The following ZBTB44 variants were observed in gnomAD, a reference collection of about 807,000 sequenced individuals.
ZBTB44 encodes zinc finger and BTB domain-containing protein 44.
A neutral mutation model predicts 54.0 loss-of-function variants in ZBTB44; 15 were observed. The observed-to-expected ratio is 0.28, with a 90% CI of 0.19 to 0.43. The LOEUF (loss-of-function observed/expected upper bound fraction) is 0.43. Ranked by LOEUF, ZBTB44 falls within the 20% of genes least tolerant of loss-of-function variation. The pLI, the probability that ZBTB44 is intolerant of heterozygous loss-of-function variation, is 1.00. For missense variants in ZBTB44, 487 were observed against 707.1 expected, an observed-to-expected ratio of 0.69 and a Z score of 3.53; for synonymous variants, 230 against 250.1, an observed-to-expected ratio of 0.92 and a Z score of 0.76.
intron 1 of ZBTB44, among the ~76,000 whole-genome samples, chr11:130,313,347 G>GT (rs1565346025): frequency 6.6e-6 from 1 of 152,060 alleles, no homozygotes; most frequent in African/African-American, 2.4e-5. Flanking sequence ...GAATAATCTG[G>GT]TTTTCATAAT....
At chr11:130,257,715 G>A (rs1565656798) in intron 2 of ZBTB44, among the ~76,000 whole-genome samples, 1 of 152,154 alleles carries the variant, frequency 6.6e-6, no homozygotes, top group Non-Finnish European at 1.5e-5. Context: ...CACACAGAGG[G>A]TAAAAGCACA....
chr11:130,274,843 TTTA>T (rs1256543265), intron 1 of ZBTB44, among the ~76,000 whole-genome samples: 1 of 152,230 alleles, frequency 6.6e-6, no homozygotes, highest in African/African-American at 2.4e-5. Context: ...TTTGTCTGGC[TTTA>T]TTGTCAGGGT....
At chr11:130,253,264 G>C (rs1938166003) in intron 2 of ZBTB44, among the ~76,000 whole-genome samples, 2 of 152,206 alleles carry the variant, frequency 1.3e-5, no homozygotes, top group African/African-American at 2.4e-5. Context: ...ATTACGAAAA[G>C]AGGAAGTCAA....
chr11:130,292,604 C>T lies in ZBTB44; in HGVS notation c.-57+21771G>A, dbSNP rs11827221. 8.8e-3 allele frequency among the ~76,000 whole-genome samples: 1,332 copies of T among 152,116 alleles called. 9 individuals are homozygous for T. The highest frequency in any genetic ancestry group is 0.022 in the African/African-American group (893 of 41,502). ...TTACGGTGCTTATTTTTGGGATAAG[C>T]GTATTATTCTTTTATGTTCAATCAC... On this transcript the variant is annotated intron_variant, in intron 1 of 7. Coordinates refer to ENST00000357899, the MANE Select transcript of ZBTB44 (RefSeq NM_001301098.2).
In ZBTB44 at chr11:130,226,761, T is replaced by A. The variant is rs1218723456; in HGVS notation, c.*5003A>T. On this transcript the variant is annotated 3_prime_UTR_variant, in exon 8 of 8. Coordinates refer to ENST00000357899, the MANE Select transcript of ZBTB44 (RefSeq NM_001301098.2). ...GTCTCATGTTTCTATCTAAAGACAC[T>A]CAAAACTAGTTTTTCCCTGCCCATC... 5.9e-5 allele frequency: 9 copies of A among 152,148 alleles called. No individual in the cohort carries two copies. Among genetic ancestry groups the A allele is most frequent in the Non-Finnish European group, 1.3e-4 (9 of 68,030 alleles). The allele number at this position is 152,148 out of a possible 1,614,324, so 9.4% of individuals were successfully genotyped here.
chr11:130,275,659 C>CA (rs1940008052), intron 1 of ZBTB44, among the ~76,000 whole-genome samples: 1 of 152,080 alleles, frequency 6.6e-6, no homozygotes, highest in African/African-American at 2.4e-5. Flanking sequence ...GACAGAGTCT[C>CA]ACTCTGTTGC....
intron 1 of ZBTB44, among the ~76,000 whole-genome samples, chr11:130,268,501 T>A (rs1189584766): frequency 1.3e-5 from 2 of 152,120 alleles, no homozygotes; most frequent in Non-Finnish European, 2.9e-5. Context: ...GCAGCTGTAA[T>A]CCCAGCTACT....
In ZBTB44 at chr11:130,314,788, AAGGGGACTGAGGGGAGGGGAGGGGG is replaced by A. The variant is rs1284642855; in HGVS notation, c.-495_-471del. The A allele has an allele frequency of 1.1e-5, 1 of 91,832 alleles. No homozygotes were observed. Among genetic ancestry groups the A allele is most frequent in the Non-Finnish European group, 2.2e-5 (1 of 45,290 alleles). 5.7% of individuals were successfully genotyped at this position (91,832 alleles called of 1,614,324 possible). On this transcript the variant is annotated 5_prime_UTR_variant, in exon 1 of 8. Transcript: ENST00000357899. ...CCAGCGGGGCGGGGTGGGGAAGGGG[AAGGGGACTGAGGGGAGGGGAGGGGG>A]AGGTTGGGAGGGAGCCGCCGCCGCG...
In ZBTB44 at chr11:130,228,819, TTATCAG is replaced by T. The variant is rs1485878662; in HGVS notation, c.*2939_*2944del. ...CTCCTCCCACCACTAGGCACCAATT[TTATCAG>T]TATATCGCCACAACCGTGCCTGGGA... On this transcript the variant is annotated 3_prime_UTR_variant, in exon 8 of 8. Coordinates refer to ENST00000357899, the MANE Select transcript of ZBTB44 (RefSeq NM_001301098.2). 4.6e-5 allele frequency: 7 copies of T among 152,334 alleles called. No homozygotes were observed. Among genetic ancestry groups the T allele is most frequent in the African/African-American group, 1.7e-4 (7 of 41,572 alleles). The allele number at this position is 152,334 out of a possible 1,614,324, so 9.4% of individuals were successfully genotyped here. A position where few individuals can be genotyped will look rare whatever the true frequency, so the allele number is the denominator to read the frequency against.
chr11:130,260,794 A>G (rs1938806632), intron 2 of ZBTB44, 62 bp downstream of exon 2: 1 of 1,506,250 alleles, frequency 6.6e-7, no homozygotes, highest in Non-Finnish European at 8.8e-7. Flanking sequence ...TTTATCTAAC[A>G]GGAACTTAAA....
In ZBTB44 at chr11:130,276,242, A is replaced by AAAAAAAAAAAAAAAAAAAAG. The variant is rs59112840; in HGVS notation, c.-56-14314_-56-14313insCTTTTTTTTTTTTTTTTTTT. 1.2e-3 allele frequency among the ~76,000 whole-genome samples: 116 copies of AAAAAAAAAAAAAAAAAAAAG among 94,420 alleles called. 3 individuals carry two copies. Among genetic ancestry groups the AAAAAAAAAAAAAAAAAAAAG allele is most frequent in the Non-Finnish European group, 1.7e-3 (84 of 48,702 alleles). The allele number at this position is 94,420 out of a possible 152,430, so 61.9% of individuals were successfully genotyped here. A position where few individuals can be genotyped will look rare whatever the true frequency, so the allele number is the denominator to read the frequency against. On this transcript the variant is annotated intron_variant, in intron 1 of 7. Coordinates refer to ENST00000357899, the MANE Select transcript of ZBTB44 (RefSeq NM_001301098.2). ...CGTGAAACTCTGTCTCAAAAAAAAA[A>AAAAAAAAAAAAAAAAAAAAG]AAAAGAAAAAAGAAATCAGAGGTTT... is the stretch of plus-strand genomic sequence containing the variant.
chr11:130,271,006 T>C (rs77016205), intron 1 of ZBTB44, among the ~76,000 whole-genome samples: 1,969 of 152,294 alleles, frequency 0.013, 48 homozygotes, highest in African/African-American at 0.045. Context: ...AAAGGCACGT[T>C]GTTAGAAGCT....
At chr11:130,248,449 T>C (rs1937713636) in intron 2 of ZBTB44, among the ~76,000 whole-genome samples, 1 of 152,054 alleles carries the variant, frequency 6.6e-6, no homozygotes, top group South Asian at 2.1e-4. Flanking sequence ...GAGACCAGCC[T>C]GGCCAACATG....
chr11:130,314,725 G>A lies in ZBTB44; in HGVS notation c.-407C>T, dbSNP rs1194799424. 3 of 151,370 alleles carry A rather than the reference G, an allele frequency of 2.0e-5. No individual in the cohort carries two copies. Among genetic ancestry groups the A allele is most frequent in the African/African-American group, 7.3e-5 (3 of 41,132 alleles). The allele number at this position is 151,370 out of a possible 1,614,324, so 9.4% of individuals were successfully genotyped here. A position where few individuals can be genotyped will look rare whatever the true frequency, so the allele number is the denominator to read the frequency against. Reference sequence around the variant, plus strand: ...GTTGGGGACGGTTGGCCGAGGGCAGGCGGTTGTTTGGGGAGCGCGGCGACG... The same window carrying A: ...GTTGGGGACGGTTGGCCGAGGGCAGACGGTTGTTTGGGGAGCGCGGCGACG... On this transcript the variant is annotated 5_prime_UTR_variant, in exon 1 of 8. Coordinates refer to ENST00000357899, the MANE Select transcript of ZBTB44 (RefSeq NM_001301098.2).
chr11:130,281,601 T>TGGGG lies in ZBTB44; in HGVS notation c.-56-19676_-56-19673dup, dbSNP rs548610445. Among the ~76,000 whole-genome samples, 221 of 148,658 alleles carry TGGGG rather than the reference T, an allele frequency of 1.5e-3. 3 individuals carry two copies. The highest frequency in any genetic ancestry group is 5.4e-3 in the African/African-American group (217 of 40,182). ...TAGTTTTATTGTTGTTGTTGTTTTT[T>TGGGG]GGGGGGGGGATGGAGTCTCGTCTCA... On this transcript the variant is annotated intron_variant, in intron 1 of 7. Transcript: ENST00000357899.
At chr11:130,282,797 C>A (rs1940626050) in intron 1 of ZBTB44, among the ~76,000 whole-genome samples, 1 of 152,154 alleles carries the variant, frequency 6.6e-6, no homozygotes, top group Non-Finnish European at 1.5e-5. Context: ...TTAGCCACGA[C>A]ACACGACAGC....
intron 2 of ZBTB44, among the ~76,000 whole-genome samples, chr11:130,257,128 T>C (rs937821112): frequency 1.4e-5 from 2 of 147,122 alleles, no homozygotes; most frequent in Non-Finnish European, 3.0e-5. Flanking sequence ...ACACCAGTAA[T>C]AGACAAGCAG....
In ZBTB44 at chr11:130,261,819, C is replaced by T. The variant is rs1938881560; in HGVS notation, c.55G>A (p.Gly19Arg). 3 of 1,613,718 alleles carry T rather than the reference C, an allele frequency of 1.9e-6. No individual in the cohort carries two copies. The highest frequency in any genetic ancestry group is 2.5e-6 in the Non-Finnish European group (3 of 1,179,800). Reference protein sequence around the residue: ...SSSSHSQEMLGKLNMLRNDGH... With the variant: ...SSSSHSQEMLRKLNMLRNDGH... ...TCATTTCGCAGCATATTTAGCTTTC[C>T]AAGCATTTCCTGGCTGTGGGAAGAG... The change falls in exon 2 of 8, where the codon GGA becomes AGA. Residue 19 changes from glycine to arginine, a missense_variant. Transcript: ENST00000357899. The surrounding 1 kb of genome is among the most constrained non-coding windows in gnomAD (Gnocchi z 4.8).
chr11:130,250,196 G>A (rs1937886413), intron 2 of ZBTB44, among the ~76,000 whole-genome samples: 1 of 152,212 alleles, frequency 6.6e-6, no homozygotes, highest in Non-Finnish European at 1.5e-5. Context: ...AGTGGCTATG[G>A]CCAGACTGCC....
Sources: allele counts gnomAD v4.1 joint callset (sites outside exome capture counted in the v4.1 genomes callset), GRCh38; gene constraint gnomAD v4.1.1; non-coding constraint Gnocchi (gnomAD v3.1); transcripts MANE v1.5; gene names NCBI Gene and HGNC (gene_info 2026-07-23, HGNC 2026-07-21).